TRIO: variants seen among roughly 807,000 people sequenced by gnomAD.
TRIO encodes the protein triple functional domain protein.
A neutral mutation model predicts 351.9 loss-of-function variants in TRIO; 58 were observed. The observed-to-expected ratio is 0.16, with a 90% CI of 0.13 to 0.21. The LOEUF is 0.21. TRIO is among the 10% of genes least tolerant of loss of function. TRIO has a pLI of 1.00. For missense variants in TRIO, 3,201 were observed against 4,027.8 expected, an observed-to-expected ratio of 0.79 and a Z score of 5.56; for synonymous variants, 1,758 against 1,595.7, an observed-to-expected ratio of 1.10 and a Z score of -2.42.
chr5:14,367,042 C>T, intron 16 of TRIO, 63 bp downstream of exon 16: 1 of 1,600,382 alleles, frequency 6.2e-7, no homozygotes, highest in Non-Finnish European at 8.5e-7. Flanking sequence ...CATCCTGAAT[C>T]CCCCAACATG....
intron 12 of TRIO, among the ~76,000 whole-genome samples, chr5:14,358,775 G>C (rs1017049696): frequency 2.0e-5 from 3 of 152,172 alleles, no homozygotes; most frequent in African/African-American, 7.2e-5. Context: ...CCACCCCCAA[G>C]TGCTCTTCAA....
intron 1 of TRIO, among the ~76,000 whole-genome samples, chr5:14,224,023 T>C (rs1792820685): frequency 6.6e-6 from 1 of 152,172 alleles, no homozygotes; most frequent in South Asian, 2.1e-4. Flanking sequence ...TAAAAGTAAA[T>C]GTTTTTCAAG....
chr5:14,430,599 C>T (rs1347245726), intron 34 of TRIO, among the ~76,000 whole-genome samples: 1 of 152,160 alleles, frequency 6.6e-6, no homozygotes, highest in East Asian at 1.9e-4. Context: ...TGATGGCTCT[C>T]CTAGTGGGCC....
chr5:14,445,301 A>T (rs751825947), intron 34 of TRIO, among the ~76,000 whole-genome samples: 8 of 152,122 alleles, frequency 5.3e-5, no homozygotes, highest in Non-Finnish European at 7.3e-5. Flanking sequence ...CTCATATAAA[A>T]CCATACAAAT....
At chr5:14,255,451 A>G (rs979450257) in intron 1 of TRIO, among the ~76,000 whole-genome samples, 5 of 152,252 alleles carry the variant, frequency 3.3e-5, no homozygotes, top group African/African-American at 1.2e-4. Flanking sequence ...ACTATGCAAC[A>G]GTGAAATTGT....
At chr5:14,440,993 C>T (rs919136841) in intron 34 of TRIO, 2 of 149,006 alleles carry the variant, frequency 1.3e-5, no homozygotes, top group African/African-American at 5.0e-5. Flanking sequence ...CTTGTGAAAC[C>T]CAACTGCAGC....
chr5:14,351,630 T>G (rs960328821), intron 11 of TRIO, among the ~76,000 whole-genome samples: 4 of 152,244 alleles, frequency 2.6e-5, no homozygotes, highest in African/African-American at 9.6e-5. Flanking sequence ...AGAAGATGCA[T>G]GTAGTAAAAT....
At chr5:14,169,172 C>CT (rs1035539715) in intron 1 of TRIO, among the ~76,000 whole-genome samples, 2 of 121,266 alleles carry the variant, frequency 1.6e-5, no homozygotes, top group African/African-American at 5.4e-5. Context: ...CCGTTATATT[C>CT]TTTTTTAATG....
intron 34 of TRIO, among the ~76,000 whole-genome samples, chr5:14,457,688 T>G (rs1015685265): frequency 6.6e-6 from 1 of 152,148 alleles, no homozygotes; most frequent in East Asian, 1.9e-4. Flanking sequence ...GTTCCTTCTC[T>G]CATGCGTGCA....
In TRIO at chr5:14,148,800, G is replaced by A. The variant is rs530994401; in HGVS notation, c.157+4918G>A. Reference sequence around the variant, plus strand: ...CCAAACTGACAAGGGTGATGGTGTGGTTGGCCTGGTGGATGGAGATGCTGT... The same window carrying A: ...CCAAACTGACAAGGGTGATGGTGTGATTGGCCTGGTGGATGGAGATGCTGT... On this transcript the variant is annotated intron_variant, in intron 1 of 56. Transcript: ENST00000344204. 3.3e-5 allele frequency among the ~76,000 whole-genome samples: 5 copies of A among 152,344 alleles called. No individual in the cohort carries two copies. In the South Asian group the frequency reaches 1.0e-3, roughly 32 times the overall value.
At chr5:14,229,057 A>G (rs1440174255) in intron 1 of TRIO, among the ~76,000 whole-genome samples, 2 of 152,182 alleles carry the variant, frequency 1.3e-5, no homozygotes, top group African/African-American at 2.4e-5. Flanking sequence ...AACATCCCTC[A>G]TAGTATTTAC....
Position 14,358,213 on chromosome 5 carries a change from G to T in TRIO, c.2082G>T (p.Leu694=). ...WTWLEELQKE[L]LDDVYAESVE... ...GGCTGGAGGAGCTGCAGAAGGAGCT[G>T]CTGGACGACGTGTATGCCGAGTCGG... Residue 694 remains leucine (L), a synonymous_variant, in exon 12 of 57, where the codon CTG becomes CTT. Transcript: ENST00000344204. The T allele has an allele frequency of 2.5e-6, 4 of 1,613,886 alleles. No individual in the cohort carries two copies. The highest frequency in any genetic ancestry group is 3.4e-6 in the Non-Finnish European group (4 of 1,179,778).
rs1372674783 is a variant in TRIO, at chr5:14,322,674, C to A, written c.1731+5931C>A. On this transcript the variant is annotated intron_variant, in intron 9 of 56. Transcript: ENST00000344204. Reference sequence around the variant, plus strand: ...TAAGTGAAGTTTGAGTTCCTGAACTCCCTTGTCATCTGTTCATTGAGTCAG... The same window carrying A: ...TAAGTGAAGTTTGAGTTCCTGAACTACCTTGTCATCTGTTCATTGAGTCAG... 2.0e-5 allele frequency among the ~76,000 whole-genome samples: 3 copies of A among 152,346 alleles called. No individual in the cohort carries two copies. The East Asian group carries it at 5.8e-4, about 29-fold the overall frequency.
chr5:14,467,873 G>C (rs1754381816), intron 37 of TRIO, among the ~76,000 whole-genome samples: 1 of 152,058 alleles, frequency 6.6e-6, no homozygotes. Flanking sequence ...CTACATCCTT[G>C]GTATCTCTTT....
chr5:14,457,187 T>C (rs1049495990), intron 34 of TRIO, among the ~76,000 whole-genome samples: 1 of 152,186 alleles, frequency 6.6e-6, no homozygotes, highest in Non-Finnish European at 1.5e-5. Context: ...TCTTATAGTT[T>C]ATGACCACTG....
intron 34 of TRIO, among the ~76,000 whole-genome samples, chr5:14,439,678 CA>C (rs35048301): frequency 0.012 from 1,828 of 152,282 alleles, 19 homozygotes; most frequent in Non-Finnish European, 0.017. Context: ...GTGCTCTGTG[CA>C]GAACTCTGCC....
chr5:14,250,926 G>A (rs1479176518), intron 1 of TRIO, among the ~76,000 whole-genome samples: 3 of 152,118 alleles, frequency 2.0e-5, no homozygotes, highest in East Asian at 1.9e-4. Flanking sequence ...AGGAAGCTGC[G>A]GCCAGGAGAG....
At chr5:14,196,292 G>A (rs370379327) in intron 1 of TRIO, among the ~76,000 whole-genome samples, 12 of 151,920 alleles carry the variant, frequency 7.9e-5, no homozygotes, top group East Asian at 7.8e-4. Context: ...GCGTGGTGGC[G>A]TGCTCCTGTA....
intron 4 of TRIO, 25 bp downstream of exon 4, chr5:14,287,088 C>A: frequency 6.2e-7 from 1 of 1,606,138 alleles, no homozygotes; most frequent in Non-Finnish European, 8.5e-7. Context: ...GTGGCTAGAC[C>A]CACTAAACAA....
Sources: gnomAD v4.1 joint callset for allele counts (sites outside exome capture counted in the v4.1 genomes callset) on GRCh38, gnomAD v4.1.1 for gene constraint, MANE v1.5 for transcripts, NCBI Gene and HGNC (gene_info 2026-07-23, HGNC 2026-07-21) for gene names.